Variants in SCN1A observed in about 807,000 individuals in gnomAD.
SCN1A encodes sodium channel protein type 1 subunit alpha.
In SCN1A, 13 loss-of-function variants were observed where a neutral mutation model predicts 193.7. The observed-to-expected ratio is 0.07, with a 90% CI of 0.04 to 0.11. The LOEUF is 0.11. Among genes scored for constraint, SCN1A ranks in the 10% least tolerant of loss-of-function variants. SCN1A has a pLI of 1.00. For synonymous variants in SCN1A, 781 were observed against 843.6 expected (o/e 0.93, Z 1.29); for missense variants, 1,432 against 2,451.1 (o/e 0.58, Z 8.78).
intron 1 of SCN1A, among the ~76,000 whole-genome samples, chr2:166,143,167 A>T (rs1281243691): frequency 4.0e-5 from 5 of 126,180 alleles, no homozygotes; most frequent in South Asian, 2.5e-4. Context: ...AGAACTCAGC[A>T]TTTTTTTTTT....
Position 166,127,342 on chromosome 2 carries a change from CTG to C in SCN1A, c.-228-334_-228-333del, listed in dbSNP as rs142502424. Among the ~76,000 whole-genome samples, 339 of 152,296 alleles carry C rather than the reference CTG, an allele frequency of 2.2e-3. 1 individual carries two copies. Among genetic ancestry groups the C allele is most frequent in the African/African-American group, 7.8e-3 (323 of 41,572 alleles). On this transcript the variant is annotated intron_variant, in intron 1 of 28. Coordinates refer to ENST00000674923, the MANE Select transcript of SCN1A (RefSeq NM_001165963.4). Reference sequence around the variant, plus strand: ...CTTCTTTCTTCCTGTGGAGTTAAAACTGAGATCTAATTTTTGCTCCGTCCTTA... The same window carrying C: ...CTTCTTTCTTCCTGTGGAGTTAAAACAGATCTAATTTTTGCTCCGTCCTTA...
intron 2 of SCN1A, among the ~76,000 whole-genome samples, chr2:166,105,343 C>G (rs978931491): frequency 6.6e-6 from 1 of 152,154 alleles, no homozygotes; most frequent in Non-Finnish European, 1.5e-5. Flanking sequence ...TAAATTAAAC[C>G]TTTGCCAATA....
rs1559090127 is a variant in SCN1A at position 165,986,912 on chromosome 2, C to A, written c.*4333G>T. Reference sequence around the variant, plus strand: ...ATTTTCTATTTTCATGGAACAGGCACACTAGTCTTAACAAAATTAGGAAAA... The same window carrying A: ...ATTTTCTATTTTCATGGAACAGGCAAACTAGTCTTAACAAAATTAGGAAAA... On this transcript the variant is annotated 3_prime_UTR_variant, in exon 29 of 29. Transcript: ENST00000674923. 6.6e-6 allele frequency: 1 copy of A among 152,014 alleles called. No homozygotes were observed. Among genetic ancestry groups the A allele is most frequent in the Non-Finnish European group, 1.5e-5 (1 of 67,972 alleles). 9.4% of individuals were successfully genotyped at this position (152,014 alleles called of 1,614,324 possible). A position where few individuals can be genotyped will look rare whatever the true frequency, so the allele number is the denominator to read the frequency against.
chr2:166,044,075 T>G (rs369572253), intron 13 of SCN1A, 26 bp from the exon 14 acceptor site: 3 of 1,612,962 alleles, frequency 1.9e-6, no homozygotes, highest in Non-Finnish European at 2.5e-6. Flanking sequence ...AGCAAACAAA[T>G]AAAGTCATAT....
At chr2:166,009,228 T>C (rs1423700310) in intron 23 of SCN1A, 1 of 151,354 alleles carries the variant, frequency 6.6e-6, no homozygotes, top group Non-Finnish European at 1.5e-5. Flanking sequence ...TATATTCAAA[T>C]AATGCAAACT....
intron 2 of SCN1A, chr2:166,081,713 C>T (rs1205434482): frequency 2.0e-5 from 3 of 151,630 alleles, no homozygotes; most frequent in Non-Finnish European, 4.4e-5. Flanking sequence ...CAATAATGTC[C>T]TTAAATTCTA....
chr2:166,101,266 A>G (rs1438036851), intron 2 of SCN1A, among the ~76,000 whole-genome samples: 1 of 150,442 alleles, frequency 6.6e-6, no homozygotes, highest in Non-Finnish European at 1.5e-5. Context: ...AGAACAAAAA[A>G]CCAAACACCG....
rs192956852 is a variant in SCN1A, at chr2:166,056,520, C to G, written c.384-20G>C. ...AATAATGTAGGTTATTGTTAAGGAACACACAAAAGAAAATCAAAATCCAAG... is the reference window on the plus strand; with the variant it reads ...AATAATGTAGGTTATTGTTAAGGAAGACACAAAAGAAAATCAAAATCCAAG... On this transcript the variant is annotated intron_variant, in intron 5 of 28. Transcript: ENST00000674923. The G allele has an allele frequency of 6.7e-3, 10,077 of 1,509,564 alleles. 65 individuals are homozygous for G. Among genetic ancestry groups the G allele is most frequent in the Non-Finnish European group, 7.0e-3 (7,555 of 1,085,426 alleles). 93.5% of individuals were successfully genotyped at this position (1,509,564 alleles called of 1,614,324 possible).
intron 1 of SCN1A, among the ~76,000 whole-genome samples, chr2:166,142,482 G>T (rs539177732): frequency 1.3e-5 from 2 of 152,152 alleles, no homozygotes; most frequent in Non-Finnish European, 2.9e-5. Flanking sequence ...TCCTGGTTGT[G>T]CTTACTACTA....
At chr2:166,134,486 C>A (rs980480098) in intron 1 of SCN1A, among the ~76,000 whole-genome samples, 1 of 152,100 alleles carries the variant, frequency 6.6e-6, no homozygotes, top group Non-Finnish European at 1.5e-5. Context: ...ATGGACTAAC[C>A]AACATTGGTT....
chr2:165,984,802 G>A (rs1396959502), downstream of SCN1A: 1 of 152,084 alleles, frequency 6.6e-6, no homozygotes, highest in African/African-American at 2.4e-5. Context: ...CTCCATAGGG[G>A]TGGTGTTCTC....
chr2:166,148,836 C>T (rs1692423064), intron 1 of SCN1A, among the ~76,000 whole-genome samples: 1 of 152,146 alleles, frequency 6.6e-6, no homozygotes. Flanking sequence ...TTGATGGTTA[C>T]AGATGATGTC....
rs1688587392 is a variant in SCN1A, at chr2:165,986,027, G to A, written c.*5218C>T. On this transcript the variant is annotated 3_prime_UTR_variant, in exon 29 of 29. Transcript: ENST00000674923. The stretch of plus-strand genomic sequence containing the variant: ...TGGTTACTAGACTTTTGGATTTCAT[G>A]CACCAGTAAAATACAAATGGGAGGA... 6.6e-6 allele frequency: 1 copy of A among 152,000 alleles called. No individual in the cohort carries two copies. The highest frequency in any genetic ancestry group is 2.4e-5 in the African/African-American group (1 of 41,402). 9.4% of individuals were successfully genotyped at this position (152,000 alleles called of 1,614,324 possible). A position where few individuals can be genotyped will look rare whatever the true frequency, so the allele number is the denominator to read the frequency against.
chr2:166,091,717 G>A (rs1686824378), intron 2 of SCN1A, among the ~76,000 whole-genome samples: 1 of 152,154 alleles, frequency 6.6e-6, no homozygotes, highest in African/African-American at 2.4e-5. Flanking sequence ...CCTTGAAAAA[G>A]GCAAATACTT....
At chr2:166,055,643 C>T (rs1409221009) in intron 6 of SCN1A, among the ~76,000 whole-genome samples, 1 of 151,930 alleles carries the variant, frequency 6.6e-6, no homozygotes, top group Non-Finnish European at 1.5e-5. Context: ...TATGTTTACA[C>T]CAACCTAATA....
chr2:166,002,976 C>A (rs1574008842), intron 23 of SCN1A: 16 of 334,426 alleles, frequency 4.8e-5, no homozygotes, highest in South Asian at 4.4e-4. Context: ...AGAAATGAAA[C>A]AAAAATGTTT....
chr2:165,995,786 C>G (rs540448987), intron 27 of SCN1A, among the ~76,000 whole-genome samples: 2 of 151,812 alleles, frequency 1.3e-5, no homozygotes, highest in Admixed American at 1.3e-4. Context: ...GCTTCTAAAT[C>G]TCTTGAAGTC....
At chr2:166,079,683 T>G (rs1685300030) in intron 2 of SCN1A, among the ~76,000 whole-genome samples, 1 of 150,888 alleles carries the variant, frequency 6.6e-6, no homozygotes, top group Admixed American at 6.7e-5. Context: ...AAAAGCTCTC[T>G]AAAGAAAATC....
chr2:166,050,254 T>A (rs1234701270), intron 9 of SCN1A, among the ~76,000 whole-genome samples: 1 of 151,904 alleles, frequency 6.6e-6, no homozygotes, highest in Non-Finnish European at 1.5e-5. Flanking sequence ...AAATATAATT[T>A]TTCAGTTATA....
Sources: allele counts gnomAD v4.1 joint callset (sites outside exome capture counted in the v4.1 genomes callset), GRCh38; gene constraint gnomAD v4.1.1; transcripts MANE v1.5; gene names NCBI Gene and HGNC (gene_info 2026-07-23, HGNC 2026-07-21).